The following STK32B variants were observed in gnomAD, a reference collection of about 807,000 sequenced individuals.
STK32B encodes serine/threonine kinase 32B.
STK32B carries 43 observed loss-of-function variants against 52.6 expected under a neutral mutation model. The ratio of observed to expected loss-of-function variants is 0.82; its 90% CI spans 0.64 to 1.05. The LOEUF (loss-of-function observed/expected upper bound fraction) is 1.05. Ranked by LOEUF, STK32B falls within the 50% of genes least tolerant of loss-of-function variation. STK32B has a pLI of 0.00. For synonymous variants in STK32B, 238 were observed against 204.3 expected, an observed-to-expected ratio of 1.17 and a Z score of -1.41; for missense variants, 621 against 534.6, an observed-to-expected ratio of 1.16 and a Z score of -1.59.
intron 2 of STK32B, among the ~76,000 whole-genome samples, chr4:5,159,525 ATATATATG>A (rs1267146361): frequency 2.8e-4 from 34 of 122,808 alleles, no homozygotes; most frequent in East Asian, 7.3e-4. Flanking sequence ...TGAATATATG[ATATATATG>A]TATATATGTA....
At chr4:5,263,500 T>C (rs1306450213) in intron 3 of STK32B, among the ~76,000 whole-genome samples, 1 of 152,160 alleles carries the variant, frequency 6.6e-6, no homozygotes, top group African/African-American at 2.4e-5. Flanking sequence ...GTTCTACTTA[T>C]TATCCCCAAA....
At chr4:5,494,212 C>T (rs1720001908) in intron 11 of STK32B, among the ~76,000 whole-genome samples, 1 of 152,136 alleles carries the variant, frequency 6.6e-6, no homozygotes, top group Admixed American at 6.5e-5. Context: ...GTGTTGGAGT[C>T]TAAGTATCTT....
intron 6 of STK32B, among the ~76,000 whole-genome samples, chr4:5,442,868 T>G (rs1432077190): frequency 6.6e-6 from 1 of 152,198 alleles, no homozygotes; most frequent in African/African-American, 2.4e-5. Context: ...TGATGAAGCT[T>G]AGTTTGGCTG....
chr4:5,485,658 G>T (rs547164997), intron 11 of STK32B, among the ~76,000 whole-genome samples: 19 of 152,240 alleles, frequency 1.2e-4, no homozygotes, highest in Middle Eastern at 3.4e-3. Flanking sequence ...AGGAGGAGAG[G>T]CACTCTGCTT....
chr4:5,357,850 A>C (rs189241726), intron 4 of STK32B, among the ~76,000 whole-genome samples: 13 of 152,148 alleles, frequency 8.5e-5, no homozygotes, highest in Admixed American at 8.5e-4. Flanking sequence ...CCATCACTGT[A>C]CCAAAAATAA....
chr4:5,455,115 G>A (rs1577532157), intron 7 of STK32B, among the ~76,000 whole-genome samples: 2 of 152,146 alleles, frequency 1.3e-5, no homozygotes, highest in South Asian at 4.2e-4. Flanking sequence ...GGGCAGAGGC[G>A]CACCCCTGAG....
At position 5,378,072 on chromosome 4, in the gene STK32B, C is replaced by T. The variant is rs979827685; in HGVS notation, c.435-20135C>T. Among the ~76,000 whole-genome samples the T allele has an allele frequency of 6.6e-6, 1 of 152,110 alleles. No homozygotes were observed. Among genetic ancestry groups the T allele is most frequent in the Non-Finnish European group, 1.5e-5 (1 of 68,008 alleles). On this transcript the variant is annotated intron_variant, in intron 4 of 11. Transcript: ENST00000282908. This position sits in a 1 kb window ranked among gnomAD's most constrained non-coding sequence, Gnocchi z 4.4. The stretch of plus-strand genomic sequence containing the variant: ...GCAAATGTTACTGAGATGTTAAAGA[C>T]GTAATAGTACCAAGTTGAGACATTC...
At chr4:5,236,590 G>T (rs1177956506) in intron 3 of STK32B, among the ~76,000 whole-genome samples, 1 of 152,108 alleles carries the variant, frequency 6.6e-6, no homozygotes, top group Non-Finnish European at 1.5e-5. Context: ...GGTCTGAGAC[G>T]TATATAAAGT....
chr4:5,374,948 G>C (rs983904188), intron 4 of STK32B, among the ~76,000 whole-genome samples: 2 of 152,168 alleles, frequency 1.3e-5, no homozygotes, highest in Admixed American at 1.3e-4. Context: ...CCAAAGTTAA[G>C]GAGATACTAG....
intron 1 of STK32B, among the ~76,000 whole-genome samples, chr4:5,057,038 C>T: frequency 6.6e-6 from 1 of 152,182 alleles, no homozygotes; most frequent in East Asian, 1.9e-4. Flanking sequence ...CTGCAGCCTC[C>T]TAAAGAACAG....
In STK32B at chr4:5,395,258, C is replaced by T. The variant is rs1343832733; in HGVS notation, c.435-2949C>T. Among the ~76,000 whole-genome samples the T allele has an allele frequency of 6.6e-6, 1 of 151,680 alleles. No individual in the cohort carries two copies. Among genetic ancestry groups the T allele is most frequent in the Non-Finnish European group, 1.5e-5 (1 of 68,036 alleles). On this transcript the variant is annotated intron_variant, in intron 4 of 11. Transcript: ENST00000282908. The surrounding 1 kb of genome is among the most constrained non-coding windows in gnomAD (Gnocchi z 4.4). ...GGGACTGCCATCCCACCAAGTTTGC[C>T]CTGTAACATAACTGAATTAAGGGGG... is the stretch of plus-strand genomic sequence containing the variant.
At chr4:5,495,088 C>T (rs1720100272) in intron 11 of STK32B, among the ~76,000 whole-genome samples, 1 of 152,052 alleles carries the variant, frequency 6.6e-6, no homozygotes, top group African/African-American at 2.4e-5. Context: ...ATCTTTGTGG[C>T]ATTCTCTGTA....
Position 5,165,486 on chromosome 4 carries a change from A to T in STK32B, c.109-2813A>T, listed in dbSNP as rs114689618. 3.1e-3 allele frequency among the ~76,000 whole-genome samples: 479 copies of T among 152,300 alleles called. 1 individual carries two copies. Among genetic ancestry groups the T allele is most frequent in the African/African-American group, 0.01 (426 of 41,568 alleles). On this transcript the variant is annotated intron_variant, in intron 2 of 11. Transcript: ENST00000282908. The stretch of plus-strand genomic sequence containing the variant: ...GGACGCAGCCCCGGGGACGCTACAC[A>T]GACTGTCTCCCAGCCTAAGCTTTTC...
chr4:5,284,760 G>C, intron 3 of STK32B, among the ~76,000 whole-genome samples: 1 of 152,070 alleles, frequency 6.6e-6, no homozygotes. Flanking sequence ...TCATCTCCAC[G>C]TGAGCAGCTC....
chr4:5,110,973 A>G (rs1326783861), intron 1 of STK32B, among the ~76,000 whole-genome samples: 1 of 134,862 alleles, frequency 7.4e-6, no homozygotes, highest in Non-Finnish European at 1.6e-5. Context: ...TACATTTTTG[A>G]AAAAAAAAAG....
chr4:5,356,732 C>T (rs951720829), intron 4 of STK32B, among the ~76,000 whole-genome samples: 6 of 152,288 alleles, frequency 3.9e-5, no homozygotes, highest in Middle Eastern at 3.4e-3. Flanking sequence ...CGCGGTGGCT[C>T]ACGCCTGTAA....
intron 9 of STK32B, among the ~76,000 whole-genome samples, chr4:5,463,567 C>A (rs3774816): frequency 6.6e-6 from 1 of 152,104 alleles, no homozygotes; most frequent in African/African-American, 2.4e-5. Flanking sequence ...CACACACATA[C>A]CTACTCATCC....
In STK32B at chr4:5,402,810, TG is replaced by T. The variant is rs146566170; in HGVS notation, c.472+4570del. Among the ~76,000 whole-genome samples, 12 of 152,170 alleles carry T rather than the reference TG, an allele frequency of 7.9e-5. No homozygotes were observed. In the East Asian group the frequency reaches 2.3e-3, roughly 29 times the overall value. Reference sequence around the variant, plus strand: ...GGTCAAGGCCAGGACAGAGCAAGCATGGGGCTGTGGGGCAGCAGAAGGTGGC... The same window carrying T: ...GGTCAAGGCCAGGACAGAGCAAGCATGGGCTGTGGGGCAGCAGAAGGTGGC... On this transcript the variant is annotated intron_variant, in intron 5 of 11. Transcript: ENST00000282908.
intron 1 of STK32B, among the ~76,000 whole-genome samples, chr4:5,129,544 C>G (rs1298762826): frequency 6.6e-6 from 1 of 152,198 alleles, no homozygotes; most frequent in Non-Finnish European, 1.5e-5. Context: ...TTTGGCAGAA[C>G]ATTTGACCTA....
Sources: allele counts gnomAD v4.1 joint callset (sites outside exome capture counted in the v4.1 genomes callset), GRCh38; gene constraint gnomAD v4.1.1; non-coding constraint Gnocchi (gnomAD v3.1); transcripts MANE v1.5; gene names NCBI Gene and HGNC (gene_info 2026-07-23, HGNC 2026-07-21).